CNTN4: variants seen among roughly 807,000 people sequenced by gnomAD.
The protein encoded by CNTN4 is contactin 4, also known as contactin-4.
Under a neutral mutation model 122.5 loss-of-function variants are expected in CNTN4, and 77 were observed. The observed-to-expected ratio is 0.63, with a 90% CI of 0.52 to 0.76. The LOEUF is 0.76. Ranked by LOEUF, CNTN4 falls within the 30% of genes least tolerant of loss-of-function variation. The pLI, the probability that CNTN4 is intolerant of heterozygous loss-of-function variation, is 0.00. For missense variants in CNTN4, 1,256 were observed against 1,259.1 expected, an observed-to-expected ratio of 1.00 and a Z score of 0.04; for synonymous variants, 512 against 447.0, an observed-to-expected ratio of 1.15 and a Z score of -1.83.
At chr3:2,677,482 A>ATATCTATCTATCTATCTATC (rs68070708) in intron 4 of CNTN4, among the ~76,000 whole-genome samples, 13 of 121,040 alleles carry the variant, frequency 1.1e-4, no homozygotes, top group South Asian at 2.6e-4. Context: ...CTATCCATCT[A>ATATCTATCTATCTATCTATC]TATCTATCTA....
intron 17 of CNTN4, among the ~76,000 whole-genome samples, chr3:3,035,148 A>C (rs1699492696): frequency 6.6e-6 from 1 of 151,834 alleles, no homozygotes; most frequent in South Asian, 2.1e-4. Flanking sequence ...TCTCTACAAA[A>C]TATACAAAAA....
At chr3:3,013,707 A>T (rs1472907183) in intron 14 of CNTN4, among the ~76,000 whole-genome samples, 1 of 151,270 alleles carries the variant, frequency 6.6e-6, no homozygotes, top group East Asian at 1.9e-4. Flanking sequence ...TAAACTATGG[A>T]ATGATCTACA....
At chr3:2,787,495 T>C (rs2091874597) in intron 6 of CNTN4, among the ~76,000 whole-genome samples, 1 of 152,246 alleles carries the variant, frequency 6.6e-6, no homozygotes, top group Non-Finnish European at 1.5e-5. Context: ...GAATTATTGC[T>C]ATAAAAGCCA....
intron 2 of CNTN4, among the ~76,000 whole-genome samples, chr3:2,286,278 TA>T (rs1157832707): frequency 1.3e-5 from 2 of 150,082 alleles, no homozygotes; most frequent in Non-Finnish European, 3.0e-5. Flanking sequence ...ATTTGGACTT[TA>T]AAAAACACTA....
chr3:2,777,311 C>G (rs1409535321), intron 6 of CNTN4, among the ~76,000 whole-genome samples: 1 of 152,164 alleles, frequency 6.6e-6, no homozygotes, highest in Non-Finnish European at 1.5e-5. Context: ...TATGCTTCCC[C>G]CACTAAATTT....
chr3:2,146,264 C>T (rs1313792192), intron 2 of CNTN4, among the ~76,000 whole-genome samples: 1 of 150,852 alleles, frequency 6.6e-6, no homozygotes, highest in Non-Finnish European at 1.5e-5. Flanking sequence ...CCTAGAGTAA[C>T]TGCTGTTAAT....
chr3:2,490,830 A>T (rs2076294730), intron 3 of CNTN4, among the ~76,000 whole-genome samples: 1 of 152,164 alleles, frequency 6.6e-6, no homozygotes, highest in South Asian at 2.1e-4. Context: ...TCCTTGCTGG[A>T]TGAAATGAGA....
At chr3:2,445,219 C>T (rs1011250173) in intron 3 of CNTN4, among the ~76,000 whole-genome samples, 2 of 152,082 alleles carry the variant, frequency 1.3e-5, no homozygotes, top group Admixed American at 6.6e-5. Flanking sequence ...GATGATAACC[C>T]GATTAATCTC....
At position 3,020,848 on chromosome 3, in the gene CNTN4, A is replaced by G. The variant is rs569380581; in HGVS notation, c.1487-5254A>G. Among the ~76,000 whole-genome samples the G allele has an allele frequency of 1.6e-4, 24 of 152,290 alleles. No homozygotes were observed. The East Asian group carries it at 4.2e-3, about 27-fold the overall frequency. On this transcript the variant is annotated intron_variant, in intron 14 of 24. Coordinates refer to ENST00000418658, the MANE Select transcript of CNTN4 (RefSeq NM_175607.3). Reference sequence around the variant, plus strand: ...CGTGCCAAACACTTTCAGTTATTTTAGCTGCTATGGAATTATTAGATCTTT... The same window carrying G: ...CGTGCCAAACACTTTCAGTTATTTTGGCTGCTATGGAATTATTAGATCTTT...
At position 3,026,223 on chromosome 3, in the gene CNTN4, T is replaced by C; in HGVS notation, c.1608T>C (p.Asn536=). The C allele has an allele frequency of 6.2e-7, 1 of 1,613,606 alleles. No individual in the cohort carries two copies. The highest frequency in any genetic ancestry group is 8.5e-7 in the Non-Finnish European group (1 of 1,179,594). ...ACATCGTGTTTACTTGGTCATTTAA[T>C]GGACACCTGATAGACTTTGACAGAG... ...SLDIVFTWSF[N]GHLIDFDRDG... is the part of the protein sequence containing the mutation. The change falls in exon 15 of 25, where the codon AAT becomes AAC. Residue 536 remains asparagine (N), a synonymous_variant. Coordinates refer to ENST00000418658, the MANE Select transcript of CNTN4 (RefSeq NM_175607.3).
chr3:2,567,088 T>C (rs935829398), intron 3 of CNTN4, among the ~76,000 whole-genome samples: 2 of 108,718 alleles, frequency 1.8e-5, no homozygotes, highest in African/African-American at 6.0e-5. Flanking sequence ...AGAATTTTTT[T>C]TTTTTTTCTT....
chr3:2,846,039 T>G (rs568744112), intron 7 of CNTN4, among the ~76,000 whole-genome samples: 2 of 152,320 alleles, frequency 1.3e-5, no homozygotes, highest in South Asian at 4.1e-4. Flanking sequence ...TGGGAGCAGG[T>G]CCTTGATTAA....
Position 2,116,770 on chromosome 3 carries a change from C to T in CNTN4, c.-145+16131C>T, listed in dbSNP as rs537481638. Among the ~76,000 whole-genome samples, 6 of 152,264 alleles carry T rather than the reference C, an allele frequency of 3.9e-5. No homozygotes were observed. In the South Asian group the frequency reaches 1.2e-3, roughly 32 times the overall value. ...GCTTCTCTATCCCCCCTGCCAACTC[C>T]CTACCCAACACAAAGACTCTTTACT... On this transcript the variant is annotated intron_variant, in intron 2 of 24. Coordinates refer to ENST00000418658, the MANE Select transcript of CNTN4 (RefSeq NM_175607.3).
At chr3:2,370,012 G>T (rs965511693) in intron 3 of CNTN4, among the ~76,000 whole-genome samples, 1 of 152,080 alleles carries the variant, frequency 6.6e-6, no homozygotes, top group African/African-American at 2.4e-5. Flanking sequence ...CTCATTGATA[G>T]TGCCGGAACA....
intron 13 of CNTN4, among the ~76,000 whole-genome samples, chr3:2,984,799 C>G (rs1694398308): frequency 6.6e-6 from 1 of 152,178 alleles, no homozygotes; most frequent in South Asian, 2.1e-4. Flanking sequence ...ATGCTCCAAG[C>G]CAGTGTTACC....
chr3:2,491,504 G>A (rs192586135), intron 3 of CNTN4, among the ~76,000 whole-genome samples: 18 of 152,238 alleles, frequency 1.2e-4, no homozygotes, highest in South Asian at 4.1e-4. Flanking sequence ...TTTTCTGAAC[G>A]TGTAAGCACT....
chr3:2,587,630 T>A lies in CNTN4; in HGVS notation c.55+16072T>A, dbSNP rs572807830. The stretch of plus-strand genomic sequence containing the variant: ...GGTGATTCTCTAGATTTCTTGTACC[T>A]CCCTTATGATTTCAGCTATGCGCTC... On this transcript the variant is annotated intron_variant, in intron 4 of 24. Transcript: ENST00000418658. Among the ~76,000 whole-genome samples the A allele has an allele frequency of 6.6e-5, 10 of 152,320 alleles. No homozygotes were observed. In the East Asian group the frequency reaches 1.9e-3, roughly 29 times the overall value.
At chr3:2,933,708 C>G (rs987602741) in intron 13 of CNTN4, among the ~76,000 whole-genome samples, 1 of 152,124 alleles carries the variant, frequency 6.6e-6, no homozygotes, top group Non-Finnish European at 1.5e-5. Context: ...TTATTCCGTT[C>G]TTTAACACTA....
intron 4 of CNTN4, among the ~76,000 whole-genome samples, chr3:2,643,888 G>A (rs534574039): frequency 1.2e-4 from 18 of 152,220 alleles, no homozygotes; most frequent in African/African-American, 4.3e-4. Context: ...TCTGGCAGCT[G>A]CTTCCTCCCT....
Sources: allele counts gnomAD v4.1 joint callset (sites outside exome capture counted in the v4.1 genomes callset), GRCh38; gene constraint gnomAD v4.1.1; transcripts MANE v1.5; gene names NCBI Gene and HGNC (gene_info 2026-07-23, HGNC 2026-07-21).